Variants in PRLR observed in about 807,000 individuals in gnomAD.
The protein encoded by PRLR is hPRL receptor.
PRLR carries 13 observed loss-of-function variants against 40.2 expected under a neutral mutation model. The ratio of observed to expected loss-of-function variants is 0.32; its 90% CI spans 0.21 to 0.51. The LOEUF (loss-of-function observed/expected upper bound fraction) is 0.51, where lower values mean the gene tolerates loss of function less well. Ranked by LOEUF, PRLR falls within the 20% of genes least tolerant of loss-of-function variation. The pLI is 0.97. For missense variants in PRLR, 656 were observed against 747.3 expected (o/e 0.88, Z 1.42); for synonymous variants, 269 against 278.7 (o/e 0.97, Z 0.35).
intron 1 of PRLR, among the ~76,000 whole-genome samples, chr5:35,210,068 G>T: frequency 6.6e-6 from 1 of 152,062 alleles, no homozygotes; most frequent in East Asian, 1.9e-4. Flanking sequence ...TACACACTGG[G>T]TTTCTTCATT....
At chr5:35,091,160 C>A (rs1383560367) in intron 2 of PRLR, among the ~76,000 whole-genome samples, 1 of 152,104 alleles carries the variant, frequency 6.6e-6, no homozygotes, top group Non-Finnish European at 1.5e-5. Flanking sequence ...GGATCCCGGT[C>A]CAGTGGTGGA....
chr5:35,203,716 A>G lies in PRLR; in HGVS notation c.-106+26552T>C, dbSNP rs183363504. ...ATTACAAAGCAATAATTCATAGGAA[A>G]GAAGCAAAGTATTAATAAGAATTAT... is the stretch of plus-strand genomic sequence containing the variant. On this transcript the variant is annotated intron_variant, in intron 1 of 9. Coordinates refer to ENST00000618457, the MANE Select transcript of PRLR (RefSeq NM_000949.7). Among the ~76,000 whole-genome samples, 21 of 152,316 alleles carry G rather than the reference A, an allele frequency of 1.4e-4. No individual in the cohort carries two copies. The East Asian group carries it at 3.1e-3, about 22-fold the overall frequency.
At chr5:35,082,519 C>A (rs974713238) in intron 5 of PRLR, among the ~76,000 whole-genome samples, 1 of 149,714 alleles carries the variant, frequency 6.7e-6, no homozygotes, top group Non-Finnish European at 1.5e-5. Flanking sequence ...CAAGTAATAC[C>A]CCCATCTCCC....
At chr5:35,104,078 T>C (rs1258014496) in intron 2 of PRLR, among the ~76,000 whole-genome samples, 1 of 151,940 alleles carries the variant, frequency 6.6e-6, no homozygotes, top group Non-Finnish European at 1.5e-5. Context: ...AAAAGAGGGG[T>C]TCCCTGCTTA....
intron 5 of PRLR, among the ~76,000 whole-genome samples, chr5:35,080,706 G>A (rs1253397927): frequency 5.3e-5 from 8 of 152,060 alleles, no homozygotes; most frequent in Non-Finnish European, 7.3e-5. Flanking sequence ...ATACCCAAGG[G>A]ATTATAAATA....
rs376090162 is a variant in PRLR, at chr5:35,070,118, G to T, written c.685+6C>A. On this transcript the variant is annotated splice_donor_region_variant and intron_variant, in intron 7 of 9. Coordinates refer to ENST00000618457, the MANE Select transcript of PRLR (RefSeq NM_000949.7). ...GACATAAGCAAAAAAGAGCCAAGAC[G>T]CTCACCACTAGGTATCTGAATGAAG... The T allele has an allele frequency of 1.8e-5, 28 of 1,596,068 alleles. No homozygotes were observed. Among genetic ancestry groups the T allele is most frequent in the Non-Finnish European group, 2.3e-5 (27 of 1,175,520 alleles).
At chr5:35,229,734 C>G (rs531637318) in intron 1 of PRLR, among the ~76,000 whole-genome samples, 1 of 152,292 alleles carries the variant, frequency 6.6e-6, no homozygotes, top group East Asian at 1.9e-4. Flanking sequence ...ATTGCTAACC[C>G]TAAACTTTCC....
chr5:35,065,323 C>G lies in PRLR; in HGVS notation c.1635G>C (p.Glu545Asp). 6.2e-7 allele frequency: 1 copy of G among 1,614,182 alleles called. No homozygotes were observed. Among genetic ancestry groups the G allele is most frequent in the African/African-American group, 1.3e-5 (1 of 75,038 alleles). ...KKPGTPENNK[E>D]YAKVSGVMDN... ...CCATGACCCCGGACACCTTGGCATA[C>G]TCCTTATTGTTCTCAGGAGTCCCGG... The change falls in exon 10 of 10, where the codon GAG becomes GAC. Residue 545 changes from glutamate to aspartate, a missense_variant. This residue lies in a region of PRLR where 469 missense variants were observed against 491.5 expected (regional missense o/e 0.95). Transcript: ENST00000618457.
At chr5:35,230,198 G>A (rs1345733651) in intron 1 of PRLR, 70 bp downstream of exon 1, 1 of 152,218 alleles carries the variant, frequency 6.6e-6, no homozygotes, top group African/African-American at 2.4e-5. Context: ...CCGCATCCCG[G>A]AGAGCGGCCG....
chr5:35,206,502 T>C (rs1226759025), intron 1 of PRLR, among the ~76,000 whole-genome samples: 1 of 152,044 alleles, frequency 6.6e-6, no homozygotes, highest in Non-Finnish European at 1.5e-5. Flanking sequence ...GACAGTAACA[T>C]GAATAAAAAA....
chr5:35,184,462 A>G (rs1380782116), intron 1 of PRLR, among the ~76,000 whole-genome samples: 1 of 152,206 alleles, frequency 6.6e-6, no homozygotes, highest in Non-Finnish European at 1.5e-5. Flanking sequence ...TGCAGCAGTG[A>G]GCCGAGATTG....
intron 2 of PRLR, among the ~76,000 whole-genome samples, chr5:35,090,630 A>G (rs1345677582): frequency 6.6e-6 from 1 of 151,928 alleles, no homozygotes; most frequent in East Asian, 1.9e-4. Flanking sequence ...AAGAACATTC[A>G]GGATCAAAGC....
intron 1 of PRLR, among the ~76,000 whole-genome samples, chr5:35,121,656 C>T (rs1453663856): frequency 6.6e-6 from 1 of 152,116 alleles, no homozygotes; most frequent in Non-Finnish European, 1.5e-5. Context: ...ATGCTAAGAA[C>T]CTTACAGGCA....
intron 2 of PRLR, among the ~76,000 whole-genome samples, chr5:35,105,382 GAGTTGACAGAAGT>G (rs1175570960): frequency 3.3e-5 from 5 of 152,206 alleles, no homozygotes; most frequent in Non-Finnish European, 5.9e-5. Context: ...TGATGTTGAC[GAGTTGACAGAAGT>G]AGGCTTCAGA....
At chr5:35,137,114 C>G (rs532834025) in intron 1 of PRLR, among the ~76,000 whole-genome samples, 1 of 152,094 alleles carries the variant, frequency 6.6e-6, no homozygotes, top group Non-Finnish European at 1.5e-5. Flanking sequence ...AGGGTGAGGA[C>G]GCATGCAATA....
chr5:35,109,682 C>T (rs182002795), intron 2 of PRLR, among the ~76,000 whole-genome samples: 10 of 152,064 alleles, frequency 6.6e-5, no homozygotes, highest in Non-Finnish European at 7.4e-5. Context: ...ATCTCACACC[C>T]GTTAGAATGG....
chr5:35,140,511 G>C (rs1413063424), intron 1 of PRLR, among the ~76,000 whole-genome samples: 1 of 152,148 alleles, frequency 6.6e-6, no homozygotes, highest in East Asian at 1.9e-4. Context: ...CTCATCCCTG[G>C]ATTACAATTT....
chr5:35,105,217 G>A (rs1038431302), intron 2 of PRLR, among the ~76,000 whole-genome samples: 2 of 152,186 alleles, frequency 1.3e-5, no homozygotes, highest in Non-Finnish European at 2.9e-5. Flanking sequence ...AACCGCATCT[G>A]TACATCACCA....
intron 1 of PRLR, among the ~76,000 whole-genome samples, chr5:35,205,749 A>G (rs973300294): frequency 7.9e-5 from 12 of 152,160 alleles, no homozygotes; most frequent in African/African-American, 2.7e-4. Flanking sequence ...CAATGGAAGA[A>G]AAGAAGATCC....
Sources: allele counts gnomAD v4.1 joint callset (sites outside exome capture counted in the v4.1 genomes callset), GRCh38; gene constraint gnomAD v4.1.1; regional missense constraint gnomAD v4.1.1; transcripts MANE v1.5; gene names NCBI Gene and HGNC (gene_info 2026-07-23, HGNC 2026-07-21).